ARHGAP21: variants seen among roughly 807,000 people sequenced by gnomAD.
ARHGAP21 encodes rho GTPase-activating protein 21.
Under a neutral mutation model 164.6 loss-of-function variants are expected in ARHGAP21, and 38 were observed. That is an observed-to-expected ratio of 0.23 (90% CI 0.18 to 0.30). The LOEUF is 0.30. Among genes scored for constraint, ARHGAP21 ranks in the 10% least tolerant of loss-of-function variants. The probability of loss-of-function intolerance (pLI) is 1.00; values close to 1 mark genes in which losing one functional copy is unlikely to be tolerated. For synonymous variants in ARHGAP21, 766 were observed against 857.9 expected (o/e 0.89, Z 1.87); for missense variants, 1,822 against 2,370.7 (o/e 0.77, Z 4.81).
intron 11 of ARHGAP21, 126 bp from the exon 12 acceptor site, chr10:24,604,474 A>C: frequency 1.8e-6 from 1 of 562,690 alleles, no homozygotes; most frequent in Non-Finnish European, 2.9e-6. Context: ...TATCATGTTA[A>C]ATGTCCACTA....
chr10:24,652,598 C>T (rs1463996624), intron 4 of ARHGAP21, among the ~76,000 whole-genome samples: 3 of 152,148 alleles, frequency 2.0e-5, no homozygotes, highest in Admixed American at 6.5e-5. Flanking sequence ...TCCTCATCCA[C>T]AATATTTAAA....
At chr10:24,594,035 T>C (rs2076466301) in intron 21 of ARHGAP21, among the ~76,000 whole-genome samples, 1 of 152,132 alleles carries the variant, frequency 6.6e-6, no homozygotes, top group Non-Finnish European at 1.5e-5. Flanking sequence ...ACTAAACTGA[T>C]CTATCTTTCT....
chr10:24,602,016 ACC>A lies in ARHGAP21; in HGVS notation c.2807_2808del (p.Gly936ValfsTer11), dbSNP rs1439163793. 6.2e-7 allele frequency: 1 copy of A among 1,612,108 alleles called. No individual in the cohort carries two copies. Among genetic ancestry groups the A allele is most frequent in the South Asian group, 1.1e-5 (1 of 90,932 alleles). ...GTGACAAGGGGTCGGAAATGAAGCC[ACC>A]CTTCCTTGGCAGCATCACTGAAGAC... ...SEVFSDAAKE[G>X]WLHFRPLVTD... On this transcript the variant is annotated frameshift_variant, in exon 13 of 26. Coordinates refer to ENST00000396432, the MANE Select transcript of ARHGAP21 (RefSeq NM_020824.4). LOFTEE classifies it high-confidence loss of function.
rs1312445183 is a variant in ARHGAP21, at chr10:24,666,988, C to T, written c.265G>A (p.Gly89Arg). 4.2e-6 allele frequency: 6 copies of T among 1,427,918 alleles called. No homozygotes were observed. The highest frequency in any genetic ancestry group is 5.8e-6 in the Non-Finnish European group (6 of 1,040,796). 88.5% of individuals were successfully genotyped at this position (1,427,918 alleles called of 1,614,324 possible). A position where few individuals can be genotyped will look rare whatever the true frequency, so the allele number is the denominator to read the frequency against. The change falls in exon 4 of 26, where the codon GGA (glycine) becomes AGA (arginine). Residue 89 changes from glycine to arginine, a missense_variant. This residue lies in a region of ARHGAP21 where 1,090 missense variants were observed against 1,378.9 expected (regional missense o/e 0.79). Transcript: ENST00000396432. ...AATTAAAATGTTTATAGCATACCTC[C>T]TCTGTTTCCATTTTCTTCATCCTAC... is the stretch of plus-strand genomic sequence containing the variant. Reference protein sequence around the residue: ...SYKDEENGNRGGKQRNRLEPM... With the variant: ...SYKDEENGNRRGKQRNRLEPM...
intron 4 of ARHGAP21, among the ~76,000 whole-genome samples, chr10:24,637,593 T>C (rs1331173930): frequency 6.6e-6 from 1 of 152,186 alleles, no homozygotes; most frequent in Admixed American, 6.5e-5. Flanking sequence ...AAACGTTGGT[T>C]GGGTAGCAAT....
intron 2 of ARHGAP21, among the ~76,000 whole-genome samples, chr10:24,684,553 C>A (rs780070033): frequency 1.1e-4 from 17 of 152,296 alleles, no homozygotes; most frequent in South Asian, 4.1e-4. Flanking sequence ...AAACTCCTGT[C>A]AAAAACAAAA....
intron 23 of ARHGAP21, 104 bp downstream of exon 23, chr10:24,591,538 G>T (rs189713020): frequency 7.0e-7 from 1 of 1,431,844 alleles, no homozygotes. Context: ...CTTCCGGGGC[G>T]CAAAGCGGAC....
At chr10:24,642,774 T>C (rs1295277710) in intron 4 of ARHGAP21, among the ~76,000 whole-genome samples, 3 of 152,216 alleles carry the variant, frequency 2.0e-5, no homozygotes, top group Non-Finnish European at 4.4e-5. Flanking sequence ...CCTTAACAAG[T>C]AGCCCAGTGC....
Position 24,604,368 on chromosome 10 carries a change from T to C in ARHGAP21, c.2685-20A>G, listed in dbSNP as rs367589625. On this transcript the variant is annotated intron_variant, in intron 11 of 25. Transcript: ENST00000396432. ...AAGGACCTGTTGGGGAAAAAATATA[T>C]AAATATTTTCAATTAGTGCAAAAAA... 5 of 1,561,934 alleles carry C rather than the reference T, an allele frequency of 3.2e-6. No individual in the cohort carries two copies. Among genetic ancestry groups the C allele is most frequent in the African/African-American group, 1.4e-5 (1 of 72,930 alleles).
At chr10:24,647,986 G>A (rs558915318) in intron 4 of ARHGAP21, among the ~76,000 whole-genome samples, 9 of 152,230 alleles carry the variant, frequency 5.9e-5, no homozygotes, top group African/African-American at 2.2e-4. Flanking sequence ...TTACAGGCAT[G>A]TGCCACCACA....
Position 24,584,645 on chromosome 10 carries a change from C to G in ARHGAP21, c.5644G>C (p.Glu1882Gln), listed in dbSNP as rs747870998. The G allele has an allele frequency of 6.2e-7, 1 of 1,613,950 alleles. No homozygotes were observed. Among genetic ancestry groups the G allele is most frequent in the Admixed American group, 1.7e-5 (1 of 60,008 alleles). ...DPQTENPSTR[E>Q]IATTDTPLSL... ...AAAGGTGTGTCGGTCGTGGCTATTT[C>G]TCGTGTGCTTGGGTTCTCTGTCTGG... The change falls in exon 26 of 26, where the codon GAA (glutamate) becomes CAA (glutamine). Residue 1882 changes from glutamate (E) to glutamine (Q), a missense_variant. Physicochemically the swap from Glu to Gln is conservative, Grantham distance 29. Coordinates refer to ENST00000396432, the MANE Select transcript of ARHGAP21 (RefSeq NM_020824.4).
At chr10:24,638,546 G>A (rs1462376304) in intron 4 of ARHGAP21, among the ~76,000 whole-genome samples, 1 of 152,208 alleles carries the variant, frequency 6.6e-6, no homozygotes, top group Admixed American at 6.5e-5. Context: ...ACCAGGAAAA[G>A]TGACTCCTTA....
chr10:24,670,357 A>T lies in ARHGAP21; in HGVS notation c.104T>A (p.Val35Glu). ...GAATGTTTCATCTTCAGACAGTGAT[A>T]CAGTTTCACTTTGTTCTTTTCCATC... Reference protein sequence around the residue: ...NKDGKEQSETVSLSEDETFSW... With the variant: ...NKDGKEQSETESLSEDETFSW... Residue 35 changes from valine (V) to glutamate (E), a missense_variant, in exon 3 of 26, where the codon GTA becomes GAA. By Grantham distance (121) the Val-to-Glu change is moderately radical (BLOSUM62 -2). This residue lies in a region of ARHGAP21 where 1,090 missense variants were observed against 1,378.9 expected (regional missense o/e 0.79). Transcript: ENST00000396432. 1 of 1,603,064 alleles carries T rather than the reference A, an allele frequency of 6.2e-7. No homozygotes were observed. The highest frequency in any genetic ancestry group is 8.5e-7 in the Non-Finnish European group (1 of 1,174,220).
At chr10:24,660,978 G>A (rs1029349872) in intron 4 of ARHGAP21, among the ~76,000 whole-genome samples, 3 of 151,928 alleles carry the variant, frequency 2.0e-5, no homozygotes, top group African/African-American at 7.3e-5. Context: ...ATGGCATCCC[G>A]AGACCACCCT....
Position 24,635,062 on chromosome 10 carries a change from C to A in ARHGAP21, c.310G>T (p.Val104Phe), listed in dbSNP as rs372198089. ...GGTCCTCCTTCTTTAACTTGCTTAACAAATATGGTATCCATTGGTTCCAAG... is the reference window on the plus strand; with the variant it reads ...GGTCCTCCTTCTTTAACTTGCTTAAAAAATATGGTATCCATTGGTTCCAAG... ...NRLEPMDTIF[V>F]KQVKEGGPAF... The change falls in exon 5 of 26, where the codon GTT (valine) becomes TTT (phenylalanine). Residue 104 changes from valine (V) to phenylalanine (F), a missense_variant. By Grantham distance (50) the Val-to-Phe change is conservative (BLOSUM62 -1). This residue lies in a region of ARHGAP21 where 1,090 missense variants were observed against 1,378.9 expected (regional missense o/e 0.79). Coordinates refer to ENST00000396432, the MANE Select transcript of ARHGAP21 (RefSeq NM_020824.4). The A allele has an allele frequency of 6.2e-7, 1 of 1,602,748 alleles. No individual in the cohort carries two copies. The highest frequency in any genetic ancestry group is 1.3e-5 in the African/African-American group (1 of 74,512).
intron 2 of ARHGAP21, chr10:24,706,373 A>C (rs1159957184): frequency 1.3e-5 from 2 of 148,946 alleles, no homozygotes; most frequent in Admixed American, 6.7e-5. Context: ...GTATTTTGAC[A>C]AAAAAAAAAT....
chr10:24,597,499 A>G lies in ARHGAP21; in HGVS notation c.3282T>C (p.Thr1094=). ...TLLGAKSEPK[T]QSPHSPKEES... is the part of the protein sequence containing the mutation. Reference sequence around the variant, plus strand: ...CTTCCTTCGGAGAGTGTGGGCTTTGAGTCTTTGGCTCTGATTTAGCACCAA... The same window carrying G: ...CTTCCTTCGGAGAGTGTGGGCTTTGGGTCTTTGGCTCTGATTTAGCACCAA... The change falls in exon 16 of 26, where the codon ACT becomes ACC. Residue 1094 remains threonine, a synonymous_variant. Coordinates refer to ENST00000396432, the MANE Select transcript of ARHGAP21 (RefSeq NM_020824.4). 1 of 1,614,080 alleles carries G rather than the reference A, an allele frequency of 6.2e-7. No individual in the cohort carries two copies. Among genetic ancestry groups the G allele is most frequent in the Non-Finnish European group, 8.5e-7 (1 of 1,179,986 alleles).
intron 7 of ARHGAP21, among the ~76,000 whole-genome samples, chr10:24,627,691 A>T (rs527327273): frequency 1.2e-4 from 18 of 152,330 alleles, no homozygotes; most frequent in African/African-American, 4.1e-4. Context: ...ATTTACTTAA[A>T]TAAAATTTAA....
intron 24 of ARHGAP21, chr10:24,590,940 TAAAAAA>T (rs901265529): frequency 5.1e-5 from 38 of 739,488 alleles, no homozygotes; most frequent in African/African-American, 1.4e-4. Context: ...AACTGTGAAT[TAAAAAA>T]AAAAAAAAAA....
Sources: allele counts gnomAD v4.1 joint callset (sites outside exome capture counted in the v4.1 genomes callset), GRCh38; gene constraint gnomAD v4.1.1; regional missense constraint gnomAD v4.1.1; transcripts MANE v1.5; gene names NCBI Gene and HGNC (gene_info 2026-07-23, HGNC 2026-07-21).